Variants in LGR4 observed in about 807,000 individuals in gnomAD.
The protein encoded by LGR4 is leucine rich repeat containing G protein-coupled receptor 4.
Under a neutral mutation model 84.8 loss-of-function variants are expected in LGR4, and 44 were observed. That is an observed-to-expected ratio of 0.52 (90% CI 0.41 to 0.67). The LOEUF (loss-of-function observed/expected upper bound fraction) is 0.67, where lower values mean the gene tolerates loss of function less well. Among genes scored for constraint, LGR4 ranks in the 30% least tolerant of loss-of-function variants. The pLI is 0.00. For missense variants in LGR4, 1,032 were observed against 1,131.4 expected (o/e 0.91, Z 1.26); for synonymous variants, 429 against 434.3 (o/e 0.99, Z 0.15).
At chr11:27,453,593 C>A (rs868834599) in intron 1 of LGR4, among the ~76,000 whole-genome samples, 1 of 152,070 alleles carries the variant, frequency 6.6e-6, no homozygotes, top group African/African-American at 2.4e-5. Flanking sequence ...AATCCCCCAC[C>A]CCCCTGCCAG....
Position 27,378,703 on chromosome 11 carries a change from C to G in LGR4, c.1037G>C (p.Arg346Thr), listed in dbSNP as rs538854301. The change falls in exon 11 of 18, where the codon AGG becomes ACG. Residue 346 changes from arginine (R) to threonine (T), a missense_variant. Coordinates refer to ENST00000379214, the MANE Select transcript of LGR4 (RefSeq NM_018490.5). ...NNLCQEQKMLRTLDLSYNNIR... is the reference protein window; with the variant it reads ...NNLCQEQKMLTTLDLSYNNIR... The stretch of plus-strand genomic sequence containing the variant: ...GAAGAAGAATCCAACTTACAAAGTC[C>G]TAAGCATCTTTTGTTCTTGACACAA... 8 of 1,604,720 alleles carry G rather than the reference C, an allele frequency of 5.0e-6. No individual in the cohort carries two copies. The South Asian group carries it at 7.7e-5, about 15-fold the overall frequency.
chr11:27,454,523 G>A (rs1235001406), intron 1 of LGR4, among the ~76,000 whole-genome samples: 1 of 152,174 alleles, frequency 6.6e-6, no homozygotes, highest in African/African-American at 2.4e-5. Flanking sequence ...ACTTTGGGAG[G>A]CCAAGGCAGA....
At chr11:27,390,444 AC>A (rs1863262177) in intron 4 of LGR4, among the ~76,000 whole-genome samples, 1 of 152,122 alleles carries the variant, frequency 6.6e-6, no homozygotes, top group Non-Finnish European at 1.5e-5. Context: ...TAAAAAGAAA[AC>A]CAGCATTACT....
chr11:27,420,135 G>C (rs1178696804), intron 1 of LGR4, among the ~76,000 whole-genome samples: 2 of 152,020 alleles, frequency 1.3e-5, no homozygotes, highest in Non-Finnish European at 2.9e-5. Context: ...ATATATGATA[G>C]TGTCTTCTCA....
chr11:27,418,350 A>G (rs1211029545), intron 1 of LGR4, among the ~76,000 whole-genome samples: 1 of 152,244 alleles, frequency 6.6e-6, no homozygotes, highest in Non-Finnish European at 1.5e-5. Context: ...ATTTTGCTCC[A>G]AAGATATTTT....
chr11:27,418,850 T>G (rs1863870438), intron 1 of LGR4, among the ~76,000 whole-genome samples: 1 of 129,188 alleles, frequency 7.7e-6, no homozygotes. Context: ...TTTTTTTTTT[T>G]GAGACTGGAG....
At chr11:27,424,206 T>C (rs567496293) in intron 1 of LGR4, among the ~76,000 whole-genome samples, 9 of 152,226 alleles carry the variant, frequency 5.9e-5, no homozygotes, top group African/African-American at 2.2e-4. Flanking sequence ...CTAATTCACT[T>C]ACATACACAC....
At chr11:27,392,604 TA>T in intron 2 of LGR4, 86 bp from the exon 3 acceptor site, 1 of 1,094,232 alleles carries the variant, frequency 9.1e-7, no homozygotes, top group South Asian at 1.6e-5. Context: ...AATCTGTGAT[TA>T]AAACTCTATG....
chr11:27,422,256 T>A (rs947518431), intron 1 of LGR4, among the ~76,000 whole-genome samples: 1 of 152,218 alleles, frequency 6.6e-6, no homozygotes, highest in African/African-American at 2.4e-5. Context: ...ATGGTAAATA[T>A]TCTAATTAAC....
At chr11:27,472,087 C>A in intron 1 of LGR4, 31 bp downstream of exon 1, 1 of 1,279,886 alleles carries the variant, frequency 7.8e-7, no homozygotes, top group East Asian at 3.3e-5. Flanking sequence ...GTTTCCTCCC[C>A]CCCCCTCGCG....
chr11:27,472,037 G>C (rs1864883900), intron 1 of LGR4, 81 bp downstream of exon 1: 5 of 1,078,296 alleles, frequency 4.6e-6, no homozygotes, highest in East Asian at 7.2e-5. Context: ...GGGTGGGACT[G>C]ACCCCTGGCT....
At chr11:27,472,034 AC>A (rs1054128130) in intron 1 of LGR4, 83 bp downstream of exon 1, 1 of 995,680 alleles carries the variant, frequency 1.0e-6, no homozygotes, top group African/African-American at 1.8e-5. Context: ...GTGGGGTGGG[AC>A]TGACCCCTGG....
chr11:27,414,075 A>G (rs914572211), intron 1 of LGR4, among the ~76,000 whole-genome samples: 1 of 152,112 alleles, frequency 6.6e-6, no homozygotes, highest in Admixed American at 6.6e-5. Context: ...GCATGCTTTT[A>G]ACATGGTAAG....
At chr11:27,381,705 T>TA (rs1863097513) in intron 7 of LGR4, among the ~76,000 whole-genome samples, 5 of 11,562 alleles carry the variant, frequency 4.3e-4, no homozygotes, top group Non-Finnish European at 1.4e-3. Flanking sequence ...ATACAAACAA[T>TA]CAAAAAAAAA....
chr11:27,454,354 T>C (rs1169808751), intron 1 of LGR4, among the ~76,000 whole-genome samples: 1 of 152,236 alleles, frequency 6.6e-6, no homozygotes, highest in East Asian at 1.9e-4. Context: ...GTCCTTAGCC[T>C]TGGCAAAATA....
intron 2 of LGR4, among the ~76,000 whole-genome samples, chr11:27,393,364 G>A (rs188606379): frequency 1.3e-5 from 2 of 152,060 alleles, no homozygotes; most frequent in African/African-American, 4.8e-5. Flanking sequence ...GTGTTCATAT[G>A]ATCAAACACA....
rs1182013990 is a variant in LGR4, at chr11:27,472,586, C to G, written c.-284G>C. ...CGGCCCGGCGCAGCGGCGGGGGCCG[C>G]GCTCTGCCATCGCACCGGTCTCCCT... On this transcript the variant is annotated 5_prime_UTR_variant, in exon 1 of 18. Coordinates refer to ENST00000379214, the MANE Select transcript of LGR4 (RefSeq NM_018490.5). 1 of 375,896 alleles carries G rather than the reference C, an allele frequency of 2.7e-6. No homozygotes were observed. Among genetic ancestry groups the G allele is most frequent in the African/African-American group, 2.1e-5 (1 of 47,614 alleles). 23.3% of individuals were successfully genotyped at this position (375,896 alleles called of 1,614,324 possible). A position where few individuals can be genotyped will look rare whatever the true frequency, so the allele number is the denominator to read the frequency against.
At chr11:27,462,251 C>T (rs1273725663) in intron 1 of LGR4, among the ~76,000 whole-genome samples, 1 of 152,150 alleles carries the variant, frequency 6.6e-6, no homozygotes, top group Non-Finnish European at 1.5e-5. Context: ...CGCCCATTTG[C>T]TCTGAAGAGA....
At chr11:27,420,482 G>A (rs1863906492) in intron 1 of LGR4, among the ~76,000 whole-genome samples, 1 of 151,994 alleles carries the variant, frequency 6.6e-6, no homozygotes, top group African/African-American at 2.4e-5. Flanking sequence ...AATCAGACCT[G>A]GAGCTCAAAA....
Sources: allele counts gnomAD v4.1 joint callset (sites outside exome capture counted in the v4.1 genomes callset), GRCh38; gene constraint gnomAD v4.1.1; transcripts MANE v1.5; gene names NCBI Gene and HGNC (gene_info 2026-07-23, HGNC 2026-07-21).